Variants in DMD observed in about 807,000 individuals in gnomAD.
DMD encodes the protein dystrophin.
A neutral mutation model predicts 330.1 loss-of-function variants in DMD; 63 were observed. The observed-to-expected ratio is 0.19, with a 90% CI of 0.16 to 0.24. The LOEUF (loss-of-function observed/expected upper bound fraction) is 0.24, where lower values mean the gene tolerates loss of function less well. Among genes scored for constraint, DMD ranks in the 10% least tolerant of loss-of-function variants. The pLI is 1.00. For missense variants in DMD, 3,344 were observed against 2,684.1 expected (o/e 1.25, Z -5.43); for synonymous variants, 1,223 against 959.8 (o/e 1.27, Z -5.07).
intron 7 of DMD, among the ~76,000 whole-genome samples, chrX:32,770,695 T>A (rs2073506555): frequency 1.8e-5 from 2 of 112,148 alleles, no homozygotes; most frequent in Admixed American, 9.5e-5. Flanking sequence ...ATTAAACATT[T>A]AAGTTCCTAC....
rs1401548129 is a variant in DMD, at chrX:31,749,673, T to C, written c.7543-19925A>G. Among the ~76,000 whole-genome samples, 3 of 107,373 alleles carry C rather than the reference T, an allele frequency of 2.8e-5. No homozygotes were observed. In the East Asian group the frequency reaches 9.1e-4, roughly 33 times the overall value. The allele number at this position is 107,373 out of a possible 115,157, so 93.2% of individuals were successfully genotyped here. On this transcript the variant is annotated intron_variant, in intron 51 of 78. Coordinates refer to ENST00000357033, the MANE Select transcript of DMD (RefSeq NM_004006.3). ...GGTATATACCCAGTAATGGGATGGCTGGGTCAAATGGTATTTCTAGTTCTA... is the reference window on the plus strand; with the variant it reads ...GGTATATACCCAGTAATGGGATGGCCGGGTCAAATGGTATTTCTAGTTCTA...
chrX:33,064,928 T>C lies in DMD; in HGVS notation c.32-44728A>G, dbSNP rs774018583. On this transcript the variant is annotated intron_variant, in intron 1 of 78. Transcript: ENST00000357033. ...ATAAAATAAAATAAAATAAAATGTATGGAATGGCCAACCACCATTCTACGA... is the reference window on the plus strand; with the variant it reads ...ATAAAATAAAATAAAATAAAATGTACGGAATGGCCAACCACCATTCTACGA... Among the ~76,000 whole-genome samples the C allele has an allele frequency of 6.3e-5, 7 of 111,604 alleles. No individual in the cohort carries two copies. The East Asian group carries it at 1.4e-3, about 22-fold the overall frequency.
At chrX:33,097,931 A>C (rs1268620957) in intron 1 of DMD, among the ~76,000 whole-genome samples, 1 of 111,129 alleles carries the variant, frequency 9.0e-6, no homozygotes, top group Non-Finnish European at 1.9e-5. Flanking sequence ...GTAACATTTT[A>C]AGGGCTCAAT....
At chrX:32,061,863 C>T (rs1392835242) in intron 44 of DMD, among the ~76,000 whole-genome samples, 1 of 111,331 alleles carries the variant, frequency 9.0e-6, no homozygotes, top group Non-Finnish European at 1.9e-5. Flanking sequence ...CTCAGCCTTC[C>T]TATAGCTAAG....
rs747472963 is a variant in DMD, at chrX:32,882,230, T to C, written c.94-32410A>G. ...CTACTCAGACCTGAGCTCAGCTTTGTAGAGTCCTTCCTCAAGGGTTCTAAG... is the reference window on the plus strand; with the variant it reads ...CTACTCAGACCTGAGCTCAGCTTTGCAGAGTCCTTCCTCAAGGGTTCTAAG... On this transcript the variant is annotated intron_variant, in intron 2 of 78. Transcript: ENST00000357033. Among the ~76,000 whole-genome samples the C allele has an allele frequency of 1.8e-4, 20 of 111,861 alleles. 1 individual carries two copies. In the South Asian group the frequency reaches 6.8e-3, roughly 38 times the overall value.
chrX:32,234,816 G>A (rs1231023103), intron 43 of DMD, among the ~76,000 whole-genome samples: 1 of 111,486 alleles, frequency 9.0e-6, no homozygotes, highest in Non-Finnish European at 1.9e-5. Flanking sequence ...TGTATTTGGT[G>A]TCCTCTTTAC....
chrX:31,516,743 C>T (rs749690616), intron 55 of DMD, among the ~76,000 whole-genome samples: 1 of 111,690 alleles, frequency 9.0e-6, no homozygotes, highest in African/African-American at 3.3e-5. Flanking sequence ...ATATCTCATT[C>T]GAAAATTCTC....
intron 19 of DMD, among the ~76,000 whole-genome samples, chrX:32,499,229 G>C (rs995208086): frequency 1.8e-5 from 2 of 111,718 alleles, no homozygotes; most frequent in African/African-American, 6.5e-5. Flanking sequence ...AGAAAATTCA[G>C]TTTGCTATGC....
At chrX:31,770,170 C>A (rs760844079) in intron 51 of DMD, among the ~76,000 whole-genome samples, 1 of 112,613 alleles carries the variant, frequency 8.9e-6, no homozygotes, top group Non-Finnish European at 1.9e-5. Context: ...AGCACATTTA[C>A]TTTCTGCCTG....
chrX:32,500,490 A>G (rs1280623933), intron 19 of DMD, among the ~76,000 whole-genome samples: 3 of 112,134 alleles, frequency 2.7e-5, no homozygotes, highest in Non-Finnish European at 5.6e-5. Flanking sequence ...AGCTTGATAT[A>G]TAACTATGAC....
At chrX:32,206,498 C>G in intron 44 of DMD, 1 of 575,647 alleles carries the variant, frequency 1.7e-6, no homozygotes, top group Admixed American at 2.3e-5. Flanking sequence ...ATGGAAAAGA[C>G]TCAAAACCGT....
chrX:33,282,449 C>T (rs1053529058), intron 1 of DMD, among the ~76,000 whole-genome samples: 1 of 111,455 alleles, frequency 9.0e-6, no homozygotes. Flanking sequence ...AACAAAGAGG[C>T]TTCCTGCACT....
intron 52 of DMD, among the ~76,000 whole-genome samples, chrX:31,715,355 T>C (rs988496063): frequency 9.5e-6 from 1 of 105,132 alleles, no homozygotes; most frequent in African/African-American, 3.5e-5. Flanking sequence ...CCATCCTGGC[T>C]AACACGGTGA....
intron 45 of DMD, among the ~76,000 whole-genome samples, chrX:31,966,331 G>A (rs2095351025): frequency 9.0e-6 from 1 of 110,590 alleles, no homozygotes; most frequent in East Asian, 2.8e-4. Flanking sequence ...AAATAGCTAT[G>A]AGTATATTGG....
intron 30 of DMD, among the ~76,000 whole-genome samples, chrX:32,411,161 C>G (rs1439506102): frequency 9.0e-6 from 1 of 111,691 alleles, no homozygotes; most frequent in East Asian, 2.8e-4. Flanking sequence ...AAGATAGAGT[C>G]TCGCTCTGTT....
rs192191731 is a variant in DMD at position 33,219,109 on chromosome X, C to T, written c.7+120150G>A. 8.1e-5 allele frequency among the ~76,000 whole-genome samples: 9 copies of T among 111,342 alleles called. No individual in the cohort carries two copies. In the East Asian group the frequency reaches 2.5e-3, roughly 31 times the overall value. ...AGTATAAGTGACTACTATCTTTTTG[C>T]ATTCCAGTTGAGATTTTCTTTTTTG... On this transcript the variant is annotated intron_variant, in intron 1 of 17. Coordinates refer to the DMD transcript ENST00000288447.
rs1001841117 is a variant in DMD, at chrX:31,977,468, G to C, written c.6439-8954C>G. 2.7e-5 allele frequency among the ~76,000 whole-genome samples: 3 copies of C among 111,182 alleles called. No homozygotes were observed. The Admixed American group carries it at 2.9e-4, about 11-fold the overall frequency. ...TAAAGAGGGATCAAAGCAGATCTCTGTGTCTAACATCAATTAATTGATTTT... is the reference window on the plus strand; with the variant it reads ...TAAAGAGGGATCAAAGCAGATCTCTCTGTCTAACATCAATTAATTGATTTT... On this transcript the variant is annotated intron_variant, in intron 44 of 78. Coordinates refer to ENST00000357033, the MANE Select transcript of DMD (RefSeq NM_004006.3).
chrX:32,852,929 G>C (rs182482653), intron 2 of DMD, among the ~76,000 whole-genome samples: 22 of 111,742 alleles, frequency 2.0e-4, no homozygotes, highest in African/African-American at 5.5e-4. Flanking sequence ...TTGGCTCCTA[G>C]ATGGCAAGCA....
intron 15 of DMD, among the ~76,000 whole-genome samples, chrX:32,570,096 C>A (rs1199302564): frequency 9.0e-6 from 1 of 111,337 alleles, no homozygotes; most frequent in Non-Finnish European, 1.9e-5. Flanking sequence ...TCCCCACCTC[C>A]CACCTCAATG....
Sources: allele counts gnomAD v4.1 joint callset (sites outside exome capture counted in the v4.1 genomes callset), GRCh38; gene constraint gnomAD v4.1.1; transcripts MANE v1.5; gene names NCBI Gene and HGNC (gene_info 2026-07-23, HGNC 2026-07-21).